The following AGBL4 variants were observed in gnomAD, a reference collection of about 807,000 sequenced individuals.
The protein encoded by AGBL4 is cytosolic carboxypeptidase 6.
In AGBL4, 58 loss-of-function variants were observed where a neutral mutation model predicts 66.4. That is an observed-to-expected ratio of 0.87 (90% CI 0.71 to 1.09). AGBL4 has a LOEUF of 1.09. AGBL4 is among the 50% of genes least tolerant of loss of function. The probability of loss-of-function intolerance (pLI) is 0.00; values close to 1 mark genes in which losing one functional copy is unlikely to be tolerated. For synonymous variants in AGBL4, 234 were observed against 222.9 expected (o/e 1.05, Z -0.44); for missense variants, 579 against 631.0 (o/e 0.92, Z 0.88).
chr1:49,494,477 A>G (rs1647350401), intron 3 of AGBL4, among the ~76,000 whole-genome samples: 1 of 150,932 alleles, frequency 6.6e-6, no homozygotes, highest in Non-Finnish European at 1.5e-5. Context: ...TCCTATGTCC[A>G]TGTGTTCTCA....
intron 6 of AGBL4, among the ~76,000 whole-genome samples, chr1:48,678,301 A>G (rs1646400038): frequency 6.7e-6 from 1 of 150,302 alleles, no homozygotes; most frequent in Non-Finnish European, 1.5e-5. Context: ...GCTTCCCCTC[A>G]GCTCTTGATT....
chr1:49,281,922 T>C (rs1228299910), intron 3 of AGBL4, among the ~76,000 whole-genome samples: 1 of 152,220 alleles, frequency 6.6e-6, no homozygotes, highest in South Asian at 2.1e-4. Context: ...AGCAAATTAA[T>C]GAAGCCTGAG....
chr1:48,845,340 G>C (rs757215254), intron 6 of AGBL4, among the ~76,000 whole-genome samples: 6 of 152,174 alleles, frequency 3.9e-5, no homozygotes, highest in Non-Finnish European at 4.4e-5. Context: ...TCCAGAAACT[G>C]AGAGGTCTGA....
chr1:49,029,209 A>G (rs1441044295), intron 5 of AGBL4, among the ~76,000 whole-genome samples: 3 of 152,088 alleles, frequency 2.0e-5, no homozygotes, highest in Admixed American at 2.0e-4. Flanking sequence ...AACTATCCAT[A>G]ATGGCCCAGG....
chr1:48,712,490 A>C (rs181524371), intron 6 of AGBL4, among the ~76,000 whole-genome samples: 42 of 152,154 alleles, frequency 2.8e-4, no homozygotes, highest in Admixed American at 1.8e-3. Flanking sequence ...ATTAAAAGTA[A>C]TAATAATAAT....
intron 3 of AGBL4, among the ~76,000 whole-genome samples, chr1:49,494,856 T>C (rs1440968003): frequency 6.6e-6 from 1 of 152,068 alleles, no homozygotes; most frequent in East Asian, 1.9e-4. Flanking sequence ...CCACACTGAC[T>C]TCCCCAATGG....
At chr1:49,766,823 T>C (rs1652765658) in intron 2 of AGBL4, among the ~76,000 whole-genome samples, 2 of 151,928 alleles carry the variant, frequency 1.3e-5, no homozygotes, top group South Asian at 2.1e-4. Flanking sequence ...AAACTAAAAA[T>C]AGTAAAACAA....
At chr1:48,826,760 C>T (rs1646434589) in intron 6 of AGBL4, among the ~76,000 whole-genome samples, 1 of 152,178 alleles carries the variant, frequency 6.6e-6, no homozygotes, top group Non-Finnish European at 1.5e-5. Context: ...CTATTTGAGC[C>T]CAACCTTCTG....
intron 1 of AGBL4, among the ~76,000 whole-genome samples, chr1:49,890,841 C>T (rs939045165): frequency 2.0e-5 from 3 of 152,148 alleles, no homozygotes; most frequent in Non-Finnish European, 4.4e-5. Flanking sequence ...AGATGACTCT[C>T]TAGTAAGCCC....
At chr1:48,869,612 G>A (rs1263124421) in intron 5 of AGBL4, among the ~76,000 whole-genome samples, 1 of 152,136 alleles carries the variant, frequency 6.6e-6, no homozygotes, top group Non-Finnish European at 1.5e-5. Flanking sequence ...TTGTGTCCTG[G>A]CTTTCTGTCT....
chr1:48,714,046 T>C (rs1385154), intron 6 of AGBL4, among the ~76,000 whole-genome samples: 3,333 of 152,294 alleles, frequency 0.022, 125 homozygotes, highest in African/African-American at 0.074. Context: ...ATCTCATTAC[T>C]ATAACATGAT....
chr1:48,658,673 T>C (rs543014899), intron 7 of AGBL4, among the ~76,000 whole-genome samples: 1 of 149,734 alleles, frequency 6.7e-6, no homozygotes, highest in South Asian at 2.2e-4. Flanking sequence ...ACACCTATAG[T>C]GGGAAGCTGT....
intron 3 of AGBL4, among the ~76,000 whole-genome samples, chr1:49,284,428 G>A (rs1007638894): frequency 7.9e-5 from 12 of 152,022 alleles, no homozygotes; most frequent in Non-Finnish European, 1.6e-4. Flanking sequence ...ATGCCAAAAT[G>A]TAAAGACCAT....
chr1:48,995,652 G>A (rs1364372066), intron 5 of AGBL4, among the ~76,000 whole-genome samples: 1 of 152,212 alleles, frequency 6.6e-6, no homozygotes, highest in Non-Finnish European at 1.5e-5. Context: ...CTGAGGAGGA[G>A]ACCCAAAAAA....
chr1:49,226,951 C>G (rs1352713437), intron 4 of AGBL4, among the ~76,000 whole-genome samples: 2 of 152,134 alleles, frequency 1.3e-5, no homozygotes, highest in Non-Finnish European at 2.9e-5. Context: ...CCTTTCCCTG[C>G]TTATAGCTGT....
intron 3 of AGBL4, among the ~76,000 whole-genome samples, chr1:49,633,498 G>T (rs1022609587): frequency 6.6e-6 from 1 of 152,094 alleles, no homozygotes; most frequent in Non-Finnish European, 1.5e-5. Context: ...GGTAAGTAGA[G>T]AAATGATAAA....
At chr1:48,721,120 G>A (rs1460829766) in intron 6 of AGBL4, among the ~76,000 whole-genome samples, 3 of 151,972 alleles carry the variant, frequency 2.0e-5, no homozygotes, top group Non-Finnish European at 4.4e-5. Flanking sequence ...GGAGAGTGTG[G>A]ATAGTGCAAG....
At chr1:49,754,328 G>A (rs1447055158) in intron 2 of AGBL4, among the ~76,000 whole-genome samples, 5 of 150,390 alleles carry the variant, frequency 3.3e-5, no homozygotes, top group Non-Finnish European at 7.4e-5. Flanking sequence ...CTAAGTTTTA[G>A]GGTACATGTG....
intron 3 of AGBL4, among the ~76,000 whole-genome samples, chr1:49,343,811 AAAT>A (rs1645587411): frequency 6.6e-6 from 1 of 152,232 alleles, no homozygotes; most frequent in African/African-American, 2.4e-5. Context: ...ACTGGCTTAA[AAAT>A]AATAAGTGTT....
Sources: allele counts gnomAD v4.1 joint callset (sites outside exome capture counted in the v4.1 genomes callset), GRCh38; gene constraint gnomAD v4.1.1; transcripts MANE v1.5; gene names NCBI Gene and HGNC (gene_info 2026-07-23, HGNC 2026-07-21).